CSNK2A2IP: variants seen among roughly 807,000 people sequenced by gnomAD.
CSNK2A2IP encodes casein kinase II subunit alpha'-interacting protein.
At chr3:88,378,678 A>G in the CSNK2A2IP span, among the ~76,000 whole-genome samples, 1 of 152,020 alleles carries the variant, frequency 6.6e-6, no homozygotes, top group Non-Finnish European at 1.5e-5. Flanking sequence ...TGACCAACTT[A>G]TTCTTAAAAT....
chr3:88,401,017 G>A, the CSNK2A2IP span, among the ~76,000 whole-genome samples: 2 of 152,116 alleles, frequency 1.3e-5, no homozygotes, highest in East Asian at 1.9e-4. Flanking sequence ...AATAGGTTGA[G>A]TTAGGTTATT....
chr3:88,439,893 T>G, the CSNK2A2IP span, among the ~76,000 whole-genome samples: 2 of 152,286 alleles, frequency 1.3e-5, no homozygotes, highest in East Asian at 3.9e-4. Context: ...AGTAGTCACA[T>G]TAACTAGGGT....
chr3:88,360,318 A>G, the CSNK2A2IP span, among the ~76,000 whole-genome samples: 3 of 151,758 alleles, frequency 2.0e-5, no homozygotes, highest in Non-Finnish European at 4.4e-5. Context: ...TATTTTTAGT[A>G]GAGACGGGGT....
chr3:88,429,831 C>T, the CSNK2A2IP span, among the ~76,000 whole-genome samples: 1 of 152,134 alleles, frequency 6.6e-6, no homozygotes, highest in Admixed American at 6.6e-5. Context: ...CAGCTCACTG[C>T]AAGCTCCGCC....
At chr3:88,375,029 A>G in the CSNK2A2IP span, among the ~76,000 whole-genome samples, 23 of 151,738 alleles carry the variant, frequency 1.5e-4, no homozygotes, top group Admixed American at 1.5e-3. Context: ...TACCGGCAAG[A>G]AAGAAAAGTA....
the CSNK2A2IP span, among the ~76,000 whole-genome samples, chr3:88,358,900 G>A: frequency 6.6e-6 from 1 of 151,838 alleles, no homozygotes; most frequent in Admixed American, 6.6e-5. Flanking sequence ...AGCTTGAATA[G>A]GATTAGTATT....
chr3:88,443,172 T>C, the CSNK2A2IP span, among the ~76,000 whole-genome samples: 1 of 152,172 alleles, frequency 6.6e-6, no homozygotes, highest in African/African-American at 2.4e-5. Flanking sequence ...GTACTCAGTC[T>C]AGTTATATGA....
the CSNK2A2IP span, among the ~76,000 whole-genome samples, chr3:88,417,633 A>G: frequency 6.6e-6 from 1 of 152,200 alleles, no homozygotes; most frequent in Non-Finnish European, 1.5e-5. Context: ...GGCAATCTAA[A>G]CAAGGTGGCC....
the CSNK2A2IP span, among the ~76,000 whole-genome samples, chr3:88,441,746 T>A: frequency 1.3e-5 from 2 of 152,182 alleles, no homozygotes; most frequent in African/African-American, 4.8e-5. Flanking sequence ...AAGTCTTCCT[T>A]TTTTATTCAT....
chr3:88,418,667 A>T, the CSNK2A2IP span, among the ~76,000 whole-genome samples: 77,864 of 151,978 alleles, frequency 0.51, 20,334 homozygotes, highest in East Asian at 0.77. Context: ...CAACTTTTAT[A>T]TTTGGTTGAG....
the CSNK2A2IP span, among the ~76,000 whole-genome samples, chr3:88,457,014 G>A: frequency 1.3e-5 from 2 of 151,764 alleles, no homozygotes; most frequent in African/African-American, 4.8e-5. Flanking sequence ...ACGTACCAGG[G>A]TATGTTTATA....
chr3:88,439,465 C>A, the CSNK2A2IP span, among the ~76,000 whole-genome samples: 7 of 151,810 alleles, frequency 4.6e-5, no homozygotes, highest in Non-Finnish European at 8.8e-5. Context: ...AAGAGTTGGC[C>A]AGGCGTGGTG....
chr3:88,342,473 C>A, the CSNK2A2IP span, among the ~76,000 whole-genome samples: 5 of 151,928 alleles, frequency 3.3e-5, no homozygotes, highest in Admixed American at 2.6e-4. Flanking sequence ...TTTCCTTTTG[C>A]TGTCCATAAA....
chr3:88,391,774 A>G, the CSNK2A2IP span, among the ~76,000 whole-genome samples: 1 of 152,194 alleles, frequency 6.6e-6, no homozygotes, highest in African/African-American at 2.4e-5. Context: ...TAGAGGTAGA[A>G]AGTCATGAGA....
At chr3:88,382,371 G>C in the CSNK2A2IP span, among the ~76,000 whole-genome samples, 2 of 152,276 alleles carry the variant, frequency 1.3e-5, no homozygotes, top group Admixed American at 1.3e-4. Flanking sequence ...CTCCCTAACA[G>C]AATGGGGAGG....
At chr3:88,416,998 A>G in the CSNK2A2IP span, among the ~76,000 whole-genome samples, 1 of 151,356 alleles carries the variant, frequency 6.6e-6, no homozygotes, top group Admixed American at 6.6e-5. Context: ...TAAATATTAT[A>G]TATATTATTC....
chr3:88,360,247 C>T, the CSNK2A2IP span, among the ~76,000 whole-genome samples: 1 of 151,792 alleles, frequency 6.6e-6, no homozygotes, highest in Non-Finnish European at 1.5e-5. Flanking sequence ...CATTCTCCTG[C>T]CTCAGCCTCC....
the CSNK2A2IP span, among the ~76,000 whole-genome samples, chr3:88,446,021 CTTTG>C: frequency 2.3e-5 from 2 of 85,522 alleles, no homozygotes; most frequent in Admixed American, 1.1e-4. Context: ...TCTTTTCTTT[CTTTG>C]TTTCTTTTCT....
At chr3:88,365,582 C>G in the CSNK2A2IP span, among the ~76,000 whole-genome samples, 1 of 152,116 alleles carries the variant, frequency 6.6e-6, no homozygotes, top group Non-Finnish European at 1.5e-5. Flanking sequence ...TGTCATCACT[C>G]CTAAAGTAAT....
Sources: gnomAD v4.1 joint callset for allele counts (sites outside exome capture counted in the v4.1 genomes callset) on GRCh38, gnomAD v4.1.1 for gene constraint, MANE v1.5 for transcripts, NCBI Gene and HGNC (gene_info 2026-07-23, HGNC 2026-07-21) for gene names.